Variants in EBF3 observed in about 807,000 individuals in gnomAD.
EBF3 encodes the protein transcription factor COE3.
A neutral mutation model predicts 77.1 loss-of-function variants in EBF3; 18 were observed. The observed-to-expected ratio is 0.23, with a 90% CI of 0.16 to 0.35. EBF3 has a LOEUF of 0.35. Among genes scored for constraint, EBF3 ranks in the 10% least tolerant of loss-of-function variants. The probability of loss-of-function intolerance (pLI) is 1.00; values close to 1 mark genes in which losing one functional copy is unlikely to be tolerated. For synonymous variants in EBF3, 350 were observed against 343.5 expected, an observed-to-expected ratio of 1.02 and a Z score of -0.21; for missense variants, 558 against 860.0, an observed-to-expected ratio of 0.65 and a Z score of 4.39.
intron 6 of EBF3, among the ~76,000 whole-genome samples, chr10:129,907,918 T>G (rs2134276285): frequency 6.6e-6 from 1 of 152,118 alleles, no homozygotes; most frequent in African/African-American, 2.4e-5. Flanking sequence ...AAGCAAAAAA[T>G]ACAATTTGTG....
Position 129,870,695 on chromosome 10 carries a change from T to C in EBF3, c.781+2757A>G, listed in dbSNP as rs984138506. On this transcript the variant is annotated intron_variant, in intron 8 of 16. Transcript: ENST00000440978. This position sits in a 1 kb window ranked among gnomAD's most constrained non-coding sequence, Gnocchi z 4.4. Reference sequence around the variant, plus strand: ...AGGGCCTGCGGGGACTGGCTTATCCTGTGGCCAGGGAGCCCAATGGCTGGG... The same window carrying C: ...AGGGCCTGCGGGGACTGGCTTATCCCGTGGCCAGGGAGCCCAATGGCTGGG... Among the ~76,000 whole-genome samples, 14 of 152,170 alleles carry C rather than the reference T, an allele frequency of 9.2e-5. No homozygotes were observed. Among genetic ancestry groups the C allele is most frequent in the Admixed American group, 1.3e-4 (2 of 15,284 alleles).
At chr10:129,937,273 G>C (rs1002948986) in intron 6 of EBF3, among the ~76,000 whole-genome samples, 1 of 151,970 alleles carries the variant, frequency 6.6e-6, no homozygotes, top group Admixed American at 6.6e-5. Flanking sequence ...AGTTTGAGCA[G>C]AGGGCAGGAT....
At chr10:129,854,860 C>T (rs913296599) in intron 10 of EBF3, among the ~76,000 whole-genome samples, 3 of 152,262 alleles carry the variant, frequency 2.0e-5, no homozygotes, top group Non-Finnish European at 4.4e-5. Context: ...AAAGGCCTTG[C>T]AGCCTCCGCG....
chr10:129,958,533 G>C (rs1859213174), intron 5 of EBF3, among the ~76,000 whole-genome samples: 1 of 152,168 alleles, frequency 6.6e-6, no homozygotes, highest in Non-Finnish European at 1.5e-5. Flanking sequence ...GCTATAGTAA[G>C]TACAAAAGAG....
intron 6 of EBF3, among the ~76,000 whole-genome samples, chr10:129,906,235 T>C (rs1855133883): frequency 6.6e-6 from 1 of 152,238 alleles, no homozygotes; most frequent in Admixed American, 6.5e-5. Context: ...AAATTTGTTT[T>C]GTATTTGATT....
chr10:129,904,240 G>A (rs930876604), intron 6 of EBF3, among the ~76,000 whole-genome samples: 12 of 152,152 alleles, frequency 7.9e-5, no homozygotes, highest in Admixed American at 1.3e-4. Context: ...CTTAACTGGT[G>A]ACAATGACAC....
chr10:129,846,198 T>C (rs1161636197), intron 11 of EBF3, among the ~76,000 whole-genome samples: 6 of 151,578 alleles, frequency 4.0e-5, no homozygotes, highest in Non-Finnish European at 7.4e-5. Context: ...GGGTCATTTT[T>C]GATGGTGCCT....
At chr10:129,910,350 C>G (rs1392233611) in intron 6 of EBF3, among the ~76,000 whole-genome samples, 1 of 152,196 alleles carries the variant, frequency 6.6e-6, no homozygotes, top group Non-Finnish European at 1.5e-5. Context: ...TCCTTCCCTG[C>G]CCAACCCTAA....
chr10:129,896,311 C>G (rs749258593), intron 6 of EBF3, among the ~76,000 whole-genome samples: 5 of 152,218 alleles, frequency 3.3e-5, no homozygotes, highest in Non-Finnish European at 5.9e-5. Flanking sequence ...AAAACAAGCC[C>G]GAGCTCAGCT....
intron 6 of EBF3, among the ~76,000 whole-genome samples, chr10:129,953,152 G>A (rs370685084): frequency 1.3e-5 from 2 of 151,478 alleles, no homozygotes; most frequent in Non-Finnish European, 2.9e-5. Flanking sequence ...AACTTAAAAC[G>A]CACATATGAA....
chr10:129,840,198 C>T, intron 15 of EBF3, 47 bp downstream of exon 15: 1 of 1,518,882 alleles, frequency 6.6e-7, no homozygotes, highest in Non-Finnish European at 8.9e-7. Flanking sequence ...CCATCCCCAC[C>T]CCTGGAGAGG....
chr10:129,958,804 G>A, intron 5 of EBF3, 130 bp downstream of exon 5: 1 of 1,279,660 alleles, frequency 7.8e-7, no homozygotes, highest in Non-Finnish European at 1.0e-6. Flanking sequence ...GCGGCCTCGG[G>A]CCGATTACAT....
chr10:129,856,478 A>C (rs1851260238), intron 10 of EBF3, among the ~76,000 whole-genome samples: 1 of 152,226 alleles, frequency 6.6e-6, no homozygotes, highest in South Asian at 2.1e-4. Context: ...CCAGACACAA[A>C]GAACTATATA....
intron 10 of EBF3, among the ~76,000 whole-genome samples, chr10:129,851,557 T>C (rs1850884768): frequency 6.6e-6 from 1 of 152,164 alleles, no homozygotes; most frequent in South Asian, 2.1e-4. Flanking sequence ...CTCAAAATTT[T>C]GAGAAACGTA....
rs1852672323 is a variant in EBF3 at position 129,875,187 on chromosome 10, C to CTTCTTTTTTTTTT, written c.637-1592_637-1591insAAAAAAAAAAGAA. 8.6e-5 allele frequency among the ~76,000 whole-genome samples: 8 copies of CTTCTTTTTTTTTT among 92,930 alleles called. 1 individual carries two copies. The highest frequency in any genetic ancestry group is 2.9e-4 in the African/African-American group (7 of 24,370). The allele number at this position is 92,930 out of a possible 152,430, so 61.0% of individuals were successfully genotyped here. A position where few individuals can be genotyped will look rare whatever the true frequency, so the allele number is the denominator to read the frequency against. On this transcript the variant is annotated intron_variant, in intron 7 of 16. Coordinates refer to ENST00000440978, the MANE Select transcript of EBF3 (RefSeq NM_001375380.1). ...ATACATGTGCAAGTGATGGCTTCTT[C>CTTCTTTTTTTTTT]TTTTTTTTTTTTTTTTTTTTTTTTT...
intron 6 of EBF3, among the ~76,000 whole-genome samples, chr10:129,931,670 T>C (rs926368590): frequency 1.3e-5 from 2 of 152,274 alleles, no homozygotes; most frequent in Admixed American, 6.5e-5. Flanking sequence ...ATGCTCTGAA[T>C]TTTATAAAAC....
chr10:129,924,595 A>G (rs1232353070), intron 6 of EBF3, among the ~76,000 whole-genome samples: 1 of 152,178 alleles, frequency 6.6e-6, no homozygotes, highest in Non-Finnish European at 1.5e-5. Context: ...GAACTACCCT[A>G]TGATTCAGCA....
chr10:129,932,630 C>T (rs778413182), intron 6 of EBF3, among the ~76,000 whole-genome samples: 5 of 152,134 alleles, frequency 3.3e-5, no homozygotes, highest in Non-Finnish European at 7.4e-5. Flanking sequence ...GCCTGTGATG[C>T]CATCCCTGGA....
At chr10:129,840,013 G>C (rs2274977) in intron 15 of EBF3, among the ~76,000 whole-genome samples, 11,624 of 152,344 alleles carry the variant, frequency 0.076, 677 homozygotes, top group East Asian at 0.3. Context: ...GGTGCCGTCG[G>C]AAGGGTGAGC....
Sources: gnomAD v4.1 joint callset for allele counts (sites outside exome capture counted in the v4.1 genomes callset) on GRCh38, gnomAD v4.1.1 for gene constraint, Gnocchi (gnomAD v3.1) non-coding constraint, MANE v1.5 for transcripts, NCBI Gene and HGNC (gene_info 2026-07-23, HGNC 2026-07-21) for gene names.